The following DRG1 variants were observed in gnomAD, a reference collection of about 807,000 sequenced individuals.
DRG1 encodes developmentally regulated GTP binding protein 1, also known as developmentally-regulated GTP-binding protein 1.
A neutral mutation model predicts 38.8 loss-of-function variants in DRG1; 19 were observed. That is an observed-to-expected ratio of 0.49 (90% CI 0.34 to 0.72). The LOEUF (loss-of-function observed/expected upper bound fraction) is 0.72. DRG1 is among the 30% of genes least tolerant of loss of function. The pLI is 0.01. For synonymous variants in DRG1, 167 were observed against 157.5 expected, an observed-to-expected ratio of 1.06 and a Z score of -0.45; for missense variants, 299 against 444.8, an observed-to-expected ratio of 0.67 and a Z score of 2.95.
At chr22:31,404,080 C>G (rs913166623) in intron 3 of DRG1, among the ~76,000 whole-genome samples, 1 of 149,060 alleles carries the variant, frequency 6.7e-6, no homozygotes, top group African/African-American at 2.5e-5. Flanking sequence ...TCCTCTTTCC[C>G]AGAAAACCTT....
chr22:31,430,010 C>A (rs1187285986), intron 8 of DRG1, among the ~76,000 whole-genome samples: 1 of 152,134 alleles, frequency 6.6e-6, no homozygotes, highest in African/African-American at 2.4e-5. Context: ...AGTGATCCTT[C>A]CATCTCTGCC....
intron 2 of DRG1, among the ~76,000 whole-genome samples, chr22:31,401,491 A>G (rs1308269998): frequency 6.7e-6 from 1 of 149,102 alleles, no homozygotes; most frequent in Admixed American, 6.8e-5. Flanking sequence ...AGGCAGGAGA[A>G]TTGCTTGAAT....
chr22:31,427,029 GGC>G, intron 7 of DRG1, 29 bp from the exon 8 acceptor site: 1 of 1,612,928 alleles, frequency 6.2e-7, no homozygotes. Context: ...AGTCTAAGAA[GGC>G]AGTAATCTTT....
At chr22:31,410,919 A>G (rs1223494417) in intron 3 of DRG1, 93 bp from the exon 4 acceptor site, 10 of 1,304,638 alleles carry the variant, frequency 7.7e-6, no homozygotes, top group Non-Finnish European at 8.7e-6. Context: ...GATAAATTAT[A>G]GGTACTTGAG....
chr22:31,424,610 G>A (rs1245055795), intron 6 of DRG1, among the ~76,000 whole-genome samples: 3 of 142,910 alleles, frequency 2.1e-5, no homozygotes, highest in African/African-American at 5.2e-5. Flanking sequence ...GTGATTCTTC[G>A]GCCTCAGCCC....
At chr22:31,401,514 G>A (rs2049960656) in intron 2 of DRG1, among the ~76,000 whole-genome samples, 1 of 150,730 alleles carries the variant, frequency 6.6e-6, no homozygotes, top group African/African-American at 2.4e-5. Context: ...GGACCCAGGA[G>A]GCAGAGGTAG....
intron 3 of DRG1, among the ~76,000 whole-genome samples, chr22:31,407,568 A>G (rs781578499): frequency 4.6e-5 from 7 of 151,992 alleles, no homozygotes; most frequent in African/African-American, 1.4e-4. Context: ...ACTCCTGCAC[A>G]CAAGCAGTCT....
At chr22:31,403,681 A>C (rs948836492) in intron 3 of DRG1, among the ~76,000 whole-genome samples, 1 of 151,710 alleles carries the variant, frequency 6.6e-6, no homozygotes, top group African/African-American at 2.4e-5. Context: ...ATGGGGTTTC[A>C]CCATGCTGGT....
chr22:31,419,666 G>T (rs978097470), intron 4 of DRG1, among the ~76,000 whole-genome samples: 1 of 152,022 alleles, frequency 6.6e-6, no homozygotes, highest in African/African-American at 2.4e-5. Flanking sequence ...TGGTTACACA[G>T]GTATATACAT....
At chr22:31,403,570 G>A (rs1192929456) in intron 3 of DRG1, among the ~76,000 whole-genome samples, 1 of 152,178 alleles carries the variant, frequency 6.6e-6, no homozygotes, top group Non-Finnish European at 1.5e-5. Flanking sequence ...GGGAGGCTGA[G>A]GCTGGAGAAT....
At chr22:31,420,514 T>G (rs999597564) in intron 5 of DRG1, 89 bp downstream of exon 5, 3 of 1,482,624 alleles carry the variant, frequency 2.0e-6, no homozygotes, top group Admixed American at 4.4e-5. Context: ...ATTGGAAAAT[T>G]TCCTGGCTTT....
chr22:31,432,138 G>A (rs779594550), intron 8 of DRG1, among the ~76,000 whole-genome samples: 26 of 151,228 alleles, frequency 1.7e-4, no homozygotes, highest in South Asian at 8.3e-4. Flanking sequence ...GTCCAGTGGC[G>A]TAATCGTGGT....
chr22:31,403,019 G>T lies in DRG1; in HGVS notation c.167-10G>T, dbSNP rs745804527. 2 of 1,604,996 alleles carry T rather than the reference G, an allele frequency of 1.2e-6. No homozygotes were observed. The highest frequency in any genetic ancestry group is 1.7e-6 in the Non-Finnish European group (2 of 1,176,506). ...AACTCTCCTCTTTTTGGTATTCATT[G>T]ATGTTTTAGGTTTTGATGTGGCCAA... is the stretch of plus-strand genomic sequence containing the variant. On this transcript the variant is annotated splice_polypyrimidine_tract_variant and intron_variant, in intron 2 of 8. Coordinates refer to ENST00000331457, the MANE Select transcript of DRG1 (RefSeq NM_004147.4).
intron 8 of DRG1, among the ~76,000 whole-genome samples, chr22:31,428,113 A>G (rs1015732361): frequency 6.6e-6 from 1 of 152,266 alleles, no homozygotes; most frequent in African/African-American, 2.4e-5. Flanking sequence ...CAGCCTCCCA[A>G]AGTGTTAGGA....
chr22:31,401,288 A>C lies in DRG1; in HGVS notation c.166+545A>C, dbSNP rs1324891101. Among the ~76,000 whole-genome samples, 32 of 133,340 alleles carry C rather than the reference A, an allele frequency of 2.4e-4. No homozygotes were observed. The East Asian group carries it at 5.5e-3, about 23-fold the overall frequency. 87.5% of individuals were successfully genotyped at this position (133,340 alleles called of 152,430 possible). ...CCATAGGTATGAAAGAAGATGTACC[A>C]AAAAAAAAAAAAGGCTGGGTGCGGT... On this transcript the variant is annotated intron_variant, in intron 2 of 8. Transcript: ENST00000331457.
intron 2 of DRG1, among the ~76,000 whole-genome samples, chr22:31,402,413 C>T (rs1419093607): frequency 6.6e-6 from 1 of 151,884 alleles, no homozygotes; most frequent in African/African-American, 2.4e-5. Context: ...AAAAGGGCAG[C>T]TCCTCCATAG....
chr22:31,420,089 C>T (rs1464298882), intron 4 of DRG1, among the ~76,000 whole-genome samples, 167 bp from the exon 5 acceptor site: 1 of 152,136 alleles, frequency 6.6e-6, no homozygotes, highest in Non-Finnish European at 1.5e-5. Flanking sequence ...AAATTGACTT[C>T]TGGTATAAAT....
intron 3 of DRG1, 55 bp from the exon 4 acceptor site, chr22:31,410,957 C>T: frequency 6.4e-7 from 1 of 1,571,364 alleles, no homozygotes; most frequent in Non-Finnish European, 8.7e-7. Flanking sequence ...TTGATATTTT[C>T]AAATTTATAA....
At chr22:31,400,410 A>G (rs1320137297) in intron 1 of DRG1, among the ~76,000 whole-genome samples, 1 of 152,118 alleles carries the variant, frequency 6.6e-6, no homozygotes, top group African/African-American at 2.4e-5. Context: ...ACTAATTGGA[A>G]TGACCTTAAT....
Sources: gnomAD v4.1 joint callset for allele counts (sites outside exome capture counted in the v4.1 genomes callset) on GRCh38, gnomAD v4.1.1 for gene constraint, MANE v1.5 for transcripts, NCBI Gene and HGNC (gene_info 2026-07-23, HGNC 2026-07-21) for gene names.